The following ZNF521 variants were observed in gnomAD, a reference collection of about 807,000 sequenced individuals.
The protein encoded by ZNF521 is zinc finger protein 521.
In ZNF521, 14 loss-of-function variants were observed where a neutral mutation model predicts 105.5. That is an observed-to-expected ratio of 0.13 (90% CI 0.09 to 0.21). The LOEUF (loss-of-function observed/expected upper bound fraction) is 0.21. ZNF521 is among the 10% of genes least tolerant of loss of function. ZNF521 has a pLI of 1.00. For synonymous variants in ZNF521, 635 were observed against 606.0 expected (o/e 1.05, Z -0.70); for missense variants, 1,233 against 1,629.7 (o/e 0.76, Z 4.19).
chr18:25,121,677 G>T (rs1341417565), intron 5 of ZNF521, among the ~76,000 whole-genome samples: 1 of 152,132 alleles, frequency 6.6e-6, no homozygotes, highest in Non-Finnish European at 1.5e-5. Context: ...AACAGGAGGG[G>T]CTCTGAGAGG....
At chr18:25,131,303 G>A (rs1407864117) in intron 5 of ZNF521, among the ~76,000 whole-genome samples, 1 of 152,106 alleles carries the variant, frequency 6.6e-6, no homozygotes, top group Admixed American at 6.6e-5. Flanking sequence ...TGATGGTCTG[G>A]TAAGGCTCCA....
chr18:25,169,187 A>G (rs1398568051), intron 5 of ZNF521, among the ~76,000 whole-genome samples: 3 of 152,180 alleles, frequency 2.0e-5, no homozygotes, highest in Non-Finnish European at 4.4e-5. Flanking sequence ...ACTAGTTTCT[A>G]TGGAACCTAC....
intron 5 of ZNF521, among the ~76,000 whole-genome samples, chr18:25,182,430 G>T (rs1266536109): frequency 6.6e-6 from 1 of 152,090 alleles, no homozygotes; most frequent in Non-Finnish European, 1.5e-5. Flanking sequence ...CTGGAAAATG[G>T]GATTTTCTAC....
At chr18:25,313,458 G>GC (rs1912433477) in intron 3 of ZNF521, among the ~76,000 whole-genome samples, 1 of 150,332 alleles carries the variant, frequency 6.7e-6, no homozygotes, top group African/African-American at 2.5e-5. Context: ...GGAAAGGGGA[G>GC]GGGGAGAAAC....
chr18:25,213,181 T>G (rs2076599416), intron 4 of ZNF521, among the ~76,000 whole-genome samples: 2 of 126,640 alleles, frequency 1.6e-5, no homozygotes, highest in Non-Finnish European at 1.8e-5. Context: ...TAACATATAT[T>G]ATAATGATAA....
At chr18:25,116,387 T>C (rs553765116) in intron 5 of ZNF521, among the ~76,000 whole-genome samples, 1 of 152,242 alleles carries the variant, frequency 6.6e-6, no homozygotes, top group South Asian at 2.1e-4. Flanking sequence ...CTGAGGGCCA[T>C]TCTGGGAATC....
chr18:25,268,133 C>T (rs7230355), intron 3 of ZNF521, among the ~76,000 whole-genome samples: 44,530 of 152,018 alleles, frequency 0.29, 6,703 homozygotes, highest in South Asian at 0.39. Context: ...CTTCCTGCAG[C>T]ATGTACAAGT....
chr18:25,229,347 C>T (rs973193839), intron 3 of ZNF521, among the ~76,000 whole-genome samples: 1 of 152,208 alleles, frequency 6.6e-6, no homozygotes, highest in African/African-American at 2.4e-5. Flanking sequence ...ATTCCTGGAT[C>T]CTTGCCCACT....
At chr18:25,316,957 C>T (rs969642043) in intron 3 of ZNF521, among the ~76,000 whole-genome samples, 2 of 151,100 alleles carry the variant, frequency 1.3e-5, no homozygotes, top group African/African-American at 2.4e-5. Flanking sequence ...TGGGTTCAAG[C>T]GATTCTCCTG....
intron 3 of ZNF521, among the ~76,000 whole-genome samples, chr18:25,259,335 C>G (rs890376192): frequency 1.3e-5 from 2 of 152,114 alleles, no homozygotes; most frequent in African/African-American, 4.8e-5. Flanking sequence ...AGAAAAGAAA[C>G]TTTTGAGGCA....
At chr18:25,090,717 T>G (rs1014743271) in intron 6 of ZNF521, among the ~76,000 whole-genome samples, 2 of 152,196 alleles carry the variant, frequency 1.3e-5, no homozygotes, top group African/African-American at 2.4e-5. Flanking sequence ...ATGAGGCTTC[T>G]GGCTACAACA....
intron 3 of ZNF521, among the ~76,000 whole-genome samples, chr18:25,251,918 C>T: frequency 6.6e-6 from 1 of 152,134 alleles, no homozygotes. Flanking sequence ...TTTACCCAAT[C>T]AAAATATGTT....
chr18:25,151,985 G>T (rs898311115), intron 5 of ZNF521, among the ~76,000 whole-genome samples: 1 of 152,126 alleles, frequency 6.6e-6, no homozygotes, highest in African/African-American at 2.4e-5. Flanking sequence ...TTTTTTACAT[G>T]AGAGAGCATA....
At chr18:25,336,188 C>T (rs1201278041) in intron 2 of ZNF521, among the ~76,000 whole-genome samples, 1 of 152,160 alleles carries the variant, frequency 6.6e-6, no homozygotes, top group East Asian at 1.9e-4. Flanking sequence ...ATCTCTATAC[C>T]CACATGTGCT....
At chr18:25,202,638 T>G (rs1053101075) in intron 4 of ZNF521, 6 of 152,190 alleles carry the variant, frequency 3.9e-5, no homozygotes, top group East Asian at 3.9e-4. Flanking sequence ...ATCCCAAGAA[T>G]GAATATATTA....
chr18:25,213,247 T>C (rs1276455889), intron 4 of ZNF521, among the ~76,000 whole-genome samples: 2 of 148,926 alleles, frequency 1.3e-5, no homozygotes, highest in Non-Finnish European at 3.0e-5. Flanking sequence ...AATAAAATAA[T>C]GGTTATATGT....
In ZNF521 at chr18:25,083,463, C is replaced by G. The variant is rs77851436; in HGVS notation, c.3906+6002G>C. Among the ~76,000 whole-genome samples the G allele has an allele frequency of 5.2e-4, 79 of 152,286 alleles. No individual in the cohort carries two copies. In the East Asian group the frequency reaches 0.014, roughly 27 times the overall value. ...AGCACTAGGAAAGCAGCAAGAAGGT[C>G]ACAGAGCCAACGTTCTGTGAGTGTC... On this transcript the variant is annotated intron_variant, in intron 7 of 7. Coordinates refer to ENST00000361524, the MANE Select transcript of ZNF521 (RefSeq NM_015461.3).
In ZNF521 at chr18:25,250,909, A is replaced by G. The variant is rs149125965; in HGVS notation, c.221-23212T>C. ...ATTCTTCAGTGAAAAGTTAAGAAAAATATATTCAAAGTGAAAATATATTCC... is the reference window on the plus strand; with the variant it reads ...ATTCTTCAGTGAAAAGTTAAGAAAAGTATATTCAAAGTGAAAATATATTCC... On this transcript the variant is annotated intron_variant, in intron 3 of 7. Transcript: ENST00000361524. Among the ~76,000 whole-genome samples, 26 of 152,360 alleles carry G rather than the reference A, an allele frequency of 1.7e-4. No homozygotes were observed. In the East Asian group the frequency reaches 4.4e-3, roughly 26 times the overall value.
At chr18:25,286,355 A>C (rs940774411) in intron 3 of ZNF521, among the ~76,000 whole-genome samples, 1 of 152,184 alleles carries the variant, frequency 6.6e-6, no homozygotes, top group African/African-American at 2.4e-5. Context: ...ATAATTATTA[A>C]ATGAACATAA....
Sources: allele counts gnomAD v4.1 joint callset (sites outside exome capture counted in the v4.1 genomes callset), GRCh38; gene constraint gnomAD v4.1.1; transcripts MANE v1.5; gene names NCBI Gene and HGNC (gene_info 2026-07-23, HGNC 2026-07-21).